Variants in CHST9 observed in about 807,000 individuals in gnomAD.
The protein encoded by CHST9 is GalNAc-4-sulfotransferase 2.
Under a neutral mutation model 44.4 loss-of-function variants are expected in CHST9, and 41 were observed. That is an observed-to-expected ratio of 0.92 (90% CI 0.72 to 1.20). CHST9 has a LOEUF of 1.20. CHST9 is among the 50% of genes most tolerant of loss of function. The pLI, the probability that CHST9 is intolerant of heterozygous loss-of-function variation, is 0.00. For synonymous variants in CHST9, 171 were observed against 178.4 expected, an observed-to-expected ratio of 0.96 and a Z score of 0.33; for missense variants, 504 against 516.5, an observed-to-expected ratio of 0.98 and a Z score of 0.23.
chr18:27,008,466 T>C (rs1243223378), intron 4 of CHST9, among the ~76,000 whole-genome samples: 1 of 152,216 alleles, frequency 6.6e-6, no homozygotes, highest in East Asian at 1.9e-4. Context: ...TCCCCTCTTA[T>C]ACTTGGTCCC....
At chr18:27,003,103 T>C (rs893391613) in intron 4 of CHST9, among the ~76,000 whole-genome samples, 22 of 152,176 alleles carry the variant, frequency 1.4e-4, no homozygotes, top group Non-Finnish European at 2.8e-4. Flanking sequence ...AAACTGGCAT[T>C]GGAAATAACA....
Position 27,037,449 on chromosome 18 carries a change from G to A in CHST9, c.160+11016C>T, listed in dbSNP as rs1009385399. On this transcript the variant is annotated intron_variant, in intron 3 of 5. Transcript: ENST00000618847. ...TCACGCCTGTAATCTCAGCACTTTC[G>A]GAGGCCAAGGCAGGAGCATCACTGG... is the stretch of plus-strand genomic sequence containing the variant. Among the ~76,000 whole-genome samples, 115 of 152,110 alleles carry A rather than the reference G, an allele frequency of 7.6e-4. 1 individual carries two copies. Among genetic ancestry groups the A allele is most frequent in the Non-Finnish European group, 4.6e-4 (31 of 68,012 alleles).
intron 2 of CHST9, among the ~76,000 whole-genome samples, chr18:27,138,250 C>A (rs2058533620): frequency 6.6e-6 from 1 of 152,190 alleles, no homozygotes; most frequent in South Asian, 2.1e-4. Flanking sequence ...ATCTGGCTCA[C>A]TATTACATGC....
intron 1 of CHST9, among the ~76,000 whole-genome samples, chr18:27,145,649 T>C (rs999838444): frequency 3.3e-5 from 5 of 152,218 alleles, no homozygotes; most frequent in Non-Finnish European, 5.9e-5. Flanking sequence ...ATTTCAGACA[T>C]TTCCTTGATT....
intron 4 of CHST9, among the ~76,000 whole-genome samples, chr18:27,001,146 T>G (rs2056948164): frequency 6.6e-6 from 1 of 152,102 alleles, no homozygotes; most frequent in Admixed American, 6.6e-5. Flanking sequence ...AACAGGGTCT[T>G]TGAAAAATGA....
intron 4 of CHST9, among the ~76,000 whole-genome samples, chr18:27,000,622 G>GTCTATCTATCTACCTA (rs1555675554): frequency 6.8e-6 from 1 of 147,490 alleles, no homozygotes; most frequent in African/African-American, 2.5e-5. Flanking sequence ...TATTTGTTTT[G>GTCTATCTATCTACCTA]TCTATCTATC....
At chr18:27,115,366 G>C (rs545929467) in intron 2 of CHST9, among the ~76,000 whole-genome samples, 1 of 152,084 alleles carries the variant, frequency 6.6e-6, no homozygotes, top group African/African-American at 2.4e-5. Flanking sequence ...AACTCTCTTG[G>C]GAATAGACCT....
rs141944744 is a variant in CHST9 at position 27,055,982 on chromosome 18, G to C, written c.122-7479C>G. 4.6e-3 allele frequency among the ~76,000 whole-genome samples: 689 copies of C among 151,174 alleles called. 4 individuals are homozygous for C. The highest frequency in any genetic ancestry group is 7.5e-3 in the Non-Finnish European group (512 of 67,830). On this transcript the variant is annotated intron_variant, in intron 2 of 5. Transcript: ENST00000618847. Reference sequence around the variant, plus strand: ...TGTGTGTATACACAAGATACGTTTGGCATATCCATAAGCCATATATAATCA... The same window carrying C: ...TGTGTGTATACACAAGATACGTTTGCCATATCCATAAGCCATATATAATCA...
Position 26,915,153 on chromosome 18 carries a change from C to T in CHST9, c.*1106G>A. ...ATATTTAAACTTAAAAAGAAAATACCTTAATTTACTTATGCATAAGCCTAT... is the reference window on the plus strand; with the variant it reads ...ATATTTAAACTTAAAAAGAAAATACTTTAATTTACTTATGCATAAGCCTAT... On this transcript the variant is annotated 3_prime_UTR_variant, in exon 6 of 6. Transcript: ENST00000618847. 2 of 392,146 alleles carry T rather than the reference C, an allele frequency of 5.1e-6. No homozygotes were observed. Among genetic ancestry groups the T allele is most frequent in the Non-Finnish European group, 9.0e-6 (2 of 222,342 alleles). 24.3% of individuals were successfully genotyped at this position (392,146 alleles called of 1,614,324 possible). A position where few individuals can be genotyped will look rare whatever the true frequency, so the allele number is the denominator to read the frequency against.
intron 4 of CHST9, among the ~76,000 whole-genome samples, chr18:26,945,203 CAAACTT>C (rs2056144792): frequency 6.6e-6 from 1 of 152,034 alleles, no homozygotes; most frequent in Non-Finnish European, 1.5e-5. Context: ...TTTAAAAAAA[CAAACTT>C]TAATTTTAAT....
At chr18:26,942,197 G>A (rs2056093448) in intron 5 of CHST9, among the ~76,000 whole-genome samples, 1 of 152,078 alleles carries the variant, frequency 6.6e-6, no homozygotes. Context: ...TTGACTCTCT[G>A]CCAGAGTTTA....
In CHST9 at chr18:27,104,239, A is replaced by T. The variant is rs1049187191; in HGVS notation, c.121+38450T>A. ...TTATCTTATAAATTGCAACAGATGGACTGAATATATTCAAATACATAGTCA... is the reference window on the plus strand; with the variant it reads ...TTATCTTATAAATTGCAACAGATGGTCTGAATATATTCAAATACATAGTCA... On this transcript the variant is annotated intron_variant, in intron 2 of 5. Transcript: ENST00000618847. Among the ~76,000 whole-genome samples, 4 of 149,960 alleles carry T rather than the reference A, an allele frequency of 2.7e-5. No homozygotes were observed. In the East Asian group the frequency reaches 7.7e-4, roughly 29 times the overall value.
chr18:26,956,572 TG>T (rs1169692323), intron 4 of CHST9, among the ~76,000 whole-genome samples: 1 of 151,704 alleles, frequency 6.6e-6, no homozygotes, highest in Non-Finnish European at 1.5e-5. Context: ...GTTTGTCTCT[TG>T]CTTATGGATA....
At chr18:27,083,301 A>G (rs1452111117) in intron 2 of CHST9, among the ~76,000 whole-genome samples, 1 of 152,180 alleles carries the variant, frequency 6.6e-6, no homozygotes. Context: ...AAAATTTAAT[A>G]TGAATTATAC....
intron 3 of CHST9, among the ~76,000 whole-genome samples, chr18:27,025,476 T>C (rs1193931963): frequency 6.6e-6 from 1 of 152,126 alleles, no homozygotes; most frequent in Non-Finnish European, 1.5e-5. Context: ...AAATTTCACG[T>C]GTGCCAAAAA....
intron 4 of CHST9, among the ~76,000 whole-genome samples, chr18:26,979,466 T>C (rs1175740): frequency 0.62 from 94,439 of 151,952 alleles, 29,627 homozygotes; most frequent in East Asian, 0.72. Context: ...GAAATTTCCT[T>C]TATTTCCATT....
At chr18:26,992,879 T>C (rs1003089255) in intron 4 of CHST9, among the ~76,000 whole-genome samples, 1 of 152,228 alleles carries the variant, frequency 6.6e-6, no homozygotes, top group Non-Finnish European at 1.5e-5. Flanking sequence ...TTTACCTATA[T>C]ACCCTGTAAA....
At chr18:27,100,083 CAG>C (rs1463442856) in intron 2 of CHST9, among the ~76,000 whole-genome samples, 1 of 151,790 alleles carries the variant, frequency 6.6e-6, no homozygotes, top group East Asian at 1.9e-4. Flanking sequence ...AGGCATAAAA[CAG>C]AATGAAATCA....
rs1206495476 is a variant in CHST9, at chr18:26,912,878, A to T, written c.*3381T>A. The T allele has an allele frequency of 6.6e-6, 1 of 152,226 alleles. No homozygotes were observed. Among genetic ancestry groups the T allele is most frequent in the Non-Finnish European group, 1.5e-5 (1 of 68,028 alleles). The allele number at this position is 152,226 out of a possible 1,614,324, so 9.4% of individuals were successfully genotyped here. ...TAGCCTTGGCCTAAGGTTCTCAGGT[A>T]GTTGAGCTATAATTAAACGCCTTTG... On this transcript the variant is annotated 3_prime_UTR_variant, in exon 6 of 6. Transcript: ENST00000618847.
Sources: gnomAD v4.1 joint callset for allele counts (sites outside exome capture counted in the v4.1 genomes callset) on GRCh38, gnomAD v4.1.1 for gene constraint, MANE v1.5 for transcripts, NCBI Gene and HGNC (gene_info 2026-07-23, HGNC 2026-07-21) for gene names.